RORA: variants seen among roughly 807,000 people sequenced by gnomAD.
RORA encodes the protein RAR related orphan receptor A.
Under a neutral mutation model 69.5 loss-of-function variants are expected in RORA, and 7 were observed. That is an observed-to-expected ratio of 0.10 (90% CI 0.06 to 0.19). The LOEUF (loss-of-function observed/expected upper bound fraction) is 0.19. Ranked by LOEUF, RORA falls within the 10% of genes least tolerant of loss-of-function variation. The pLI is 1.00. For synonymous variants in RORA, 261 were observed against 240.8 expected, an observed-to-expected ratio of 1.08 and a Z score of -0.78; for missense variants, 457 against 663.0, an observed-to-expected ratio of 0.69 and a Z score of 3.41.
At chr15:60,813,314 G>C (rs1241733465) in intron 1 of RORA, among the ~76,000 whole-genome samples, 1 of 152,210 alleles carries the variant, frequency 6.6e-6, no homozygotes, top group East Asian at 1.9e-4. Flanking sequence ...GTTCTATCTG[G>C]ACGCCCAGCT....
chr15:60,936,714 T>TC (rs1892533652), intron 1 of RORA, among the ~76,000 whole-genome samples: 1 of 152,230 alleles, frequency 6.6e-6, no homozygotes, highest in South Asian at 2.1e-4. Context: ...GCTCAATACT[T>TC]CATCTTTTCC....
In RORA at chr15:60,776,140, A is replaced by G. The variant is rs75928074; in HGVS notation, c.167-97454T>C. On this transcript the variant is annotated intron_variant, in intron 1 of 10. Transcript: ENST00000335670. Reference sequence around the variant, plus strand: ...ATTGAGTGTAGACAGCACCCACGATATTGTGATGACCAACCAGCTTGAGAT... The same window carrying G: ...ATTGAGTGTAGACAGCACCCACGATGTTGTGATGACCAACCAGCTTGAGAT... 7.2e-5 allele frequency among the ~76,000 whole-genome samples: 11 copies of G among 152,146 alleles called. No individual in the cohort carries two copies. The East Asian group carries it at 2.1e-3, about 29-fold the overall frequency.
chr15:60,710,387 C>T (rs1054129711), intron 1 of RORA, among the ~76,000 whole-genome samples: 1 of 152,088 alleles, frequency 6.6e-6, no homozygotes, highest in African/African-American at 2.4e-5. Flanking sequence ...ACTTGGGCAG[C>T]TGAGGCAGGA....
intron 1 of RORA, among the ~76,000 whole-genome samples, chr15:60,949,032 T>C (rs960317421): frequency 1.3e-5 from 2 of 152,106 alleles, no homozygotes; most frequent in East Asian, 1.9e-4. Context: ...TGAAGAAATA[T>C]GAGCTTTCTT....
chr15:61,217,368 C>T (rs149848437), intron 1 of RORA, among the ~76,000 whole-genome samples: 9 of 152,098 alleles, frequency 5.9e-5, no homozygotes, highest in African/African-American at 2.2e-4. Context: ...AAACAGGAGT[C>T]TGGGAGCTTC....
chr15:60,581,336 T>A (rs905704478), intron 2 of RORA, among the ~76,000 whole-genome samples: 11 of 152,214 alleles, frequency 7.2e-5, no homozygotes, highest in Non-Finnish European at 1.3e-4. Context: ...GGAAACAAAA[T>A]GCTTCTGTTT....
intron 1 of RORA, among the ~76,000 whole-genome samples, chr15:61,007,376 C>T (rs1894941162): frequency 6.6e-6 from 1 of 151,980 alleles, no homozygotes. Context: ...ATATTGAACC[C>T]TTGGCAAAAA....
At chr15:61,028,250 T>C (rs1261729279) in intron 1 of RORA, among the ~76,000 whole-genome samples, 1 of 152,146 alleles carries the variant, frequency 6.6e-6, no homozygotes, top group Non-Finnish European at 1.5e-5. Flanking sequence ...ATTCTATTAA[T>C]AAATACACAA....
At chr15:60,916,103 G>C (rs1311258034) in intron 1 of RORA, among the ~76,000 whole-genome samples, 1 of 152,208 alleles carries the variant, frequency 6.6e-6, no homozygotes, top group Admixed American at 6.5e-5. Flanking sequence ...GCACTGGAGG[G>C]GGAGGTGAGG....
chr15:60,579,204 C>G lies in RORA; in HGVS notation c.197-47353G>C, dbSNP rs564090871. ...CCACCAATGCTTTGCACCATTAATACAAATGGTCACCGTAGTAAAAAGGGG... is the reference window on the plus strand; with the variant it reads ...CCACCAATGCTTTGCACCATTAATAGAAATGGTCACCGTAGTAAAAAGGGG... On this transcript the variant is annotated intron_variant, in intron 2 of 10. Transcript: ENST00000335670. Among the ~76,000 whole-genome samples the G allele has an allele frequency of 1.5e-4, 23 of 151,200 alleles. No individual in the cohort carries two copies. The East Asian group carries it at 4.3e-3, about 28-fold the overall frequency.
intron 1 of RORA, among the ~76,000 whole-genome samples, chr15:60,770,848 T>A (rs1219024462): frequency 6.6e-6 from 1 of 152,218 alleles, no homozygotes; most frequent in Admixed American, 6.5e-5. Flanking sequence ...TTTAATTTCA[T>A]GGGACTCCTC....
chr15:60,731,171 A>T (rs2071424858), intron 1 of RORA, among the ~76,000 whole-genome samples: 1 of 152,198 alleles, frequency 6.6e-6, no homozygotes, highest in Non-Finnish European at 1.5e-5. Flanking sequence ...ATATGGAGTA[A>T]ACAACTGTCA....
chr15:60,632,721 T>C (rs1416304509), intron 2 of RORA, among the ~76,000 whole-genome samples: 2 of 152,120 alleles, frequency 1.3e-5, no homozygotes, highest in Non-Finnish European at 2.9e-5. Flanking sequence ...CTACTTATCA[T>C]TAGCTGAGGC....
chr15:60,662,064 C>T (rs893946348), intron 2 of RORA, among the ~76,000 whole-genome samples: 4 of 152,290 alleles, frequency 2.6e-5, no homozygotes, highest in Middle Eastern at 3.4e-3. Context: ...AGTCAGATTT[C>T]ATTAAAATAG....
intron 2 of RORA, chr15:60,558,081 T>G (rs960260795): frequency 6.3e-6 from 3 of 475,220 alleles, no homozygotes; most frequent in Admixed American, 7.8e-5. Flanking sequence ...GAATTAAATA[T>G]GGGTGATGTT....
intron 1 of RORA, among the ~76,000 whole-genome samples, chr15:60,752,321 T>TC (rs1473504725): frequency 6.6e-6 from 1 of 152,156 alleles, no homozygotes; most frequent in Non-Finnish European, 1.5e-5. Flanking sequence ...TCCTTTTCCT[T>TC]CTGGCTGATG....
chr15:60,744,595 G>T (rs1432713792), intron 1 of RORA, among the ~76,000 whole-genome samples: 1 of 152,146 alleles, frequency 6.6e-6, no homozygotes, highest in Non-Finnish European at 1.5e-5. Flanking sequence ...GGCAAGAATG[G>T]TGCTATGTGC....
At chr15:60,712,482 A>G (rs758483914) in intron 1 of RORA, among the ~76,000 whole-genome samples, 1 of 152,174 alleles carries the variant, frequency 6.6e-6, no homozygotes, top group African/African-American at 2.4e-5. Context: ...GTCAGTTGCC[A>G]TTTATCACTG....
intron 1 of RORA, among the ~76,000 whole-genome samples, chr15:60,767,810 C>G (rs184777632): frequency 1.2e-3 from 182 of 152,274 alleles, no homozygotes; most frequent in African/African-American, 4.3e-3. Context: ...TTTCATGACC[C>G]CTGGGTCAGT....
Sources: gnomAD v4.1 joint callset for allele counts (sites outside exome capture counted in the v4.1 genomes callset) on GRCh38, gnomAD v4.1.1 for gene constraint, MANE v1.5 for transcripts, NCBI Gene and HGNC (gene_info 2026-07-23, HGNC 2026-07-21) for gene names.